ITGAE: variants seen among roughly 807,000 people sequenced by gnomAD.
The protein encoded by ITGAE is integrin subunit alpha E.
ITGAE carries 99 observed loss-of-function variants against 136.5 expected under a neutral mutation model. The observed-to-expected ratio is 0.73, with a 90% CI of 0.62 to 0.86. The LOEUF is 0.86. Among genes scored for constraint, ITGAE ranks in the 40% least tolerant of loss-of-function variants. ITGAE has a pLI of 0.00. For missense variants in ITGAE, 1,447 were observed against 1,515.3 expected (o/e 0.95, Z 0.75); for synonymous variants, 613 against 591.8 (o/e 1.04, Z -0.52).
intron 11 of ITGAE, among the ~76,000 whole-genome samples, chr17:3,755,574 C>T (rs1286274604): frequency 6.6e-6 from 1 of 152,242 alleles, no homozygotes; most frequent in Admixed American, 6.5e-5. Flanking sequence ...AAAAAAGCGA[C>T]CTCCTGTCAT....
chr17:3,773,647 C>T (rs1440263558), intron 2 of ITGAE, among the ~76,000 whole-genome samples: 3 of 152,176 alleles, frequency 2.0e-5, no homozygotes, highest in African/African-American at 7.2e-5. Flanking sequence ...GCTCCCCAAA[C>T]CCTGTCCTTT....
chr17:3,720,965 G>A (rs1226645486), intron 28 of ITGAE, among the ~76,000 whole-genome samples: 1 of 152,090 alleles, frequency 6.6e-6, no homozygotes, highest in African/African-American at 2.4e-5. Flanking sequence ...ATCTCGCTCT[G>A]TCACCCATGC....
rs28665707 is a variant in ITGAE at position 3,740,407 on chromosome 17, C to T, written c.2449-529G>A. Among the ~76,000 whole-genome samples the T allele has an allele frequency of 5.8e-3, 889 of 152,284 alleles. 12 individuals are homozygous for T. The highest frequency in any genetic ancestry group is 0.02 in the African/African-American group (838 of 41,558). On this transcript the variant is annotated intron_variant, in intron 19 of 30. Transcript: ENST00000263087. ...GTTTGTTTGTTTTCAGATGGAGTCT[C>T]GCTCTGTCATCCAGGCTGGAGTGCA...
chr17:3,721,104 T>A (rs910335933), intron 28 of ITGAE, among the ~76,000 whole-genome samples: 1 of 151,898 alleles, frequency 6.6e-6, no homozygotes, highest in South Asian at 2.1e-4. Context: ...AATTTTTGTA[T>A]TTTTTGTAGA....
chr17:3,765,826 T>C, intron 2 of ITGAE, among the ~76,000 whole-genome samples: 1 of 152,138 alleles, frequency 6.6e-6, no homozygotes. Context: ...GCTGGGTCAC[T>C]GTCTTCCTTG....
At chr17:3,738,518 T>C (rs1192568398) in intron 20 of ITGAE, among the ~76,000 whole-genome samples, 1 of 152,132 alleles carries the variant, frequency 6.6e-6, no homozygotes, top group African/African-American at 2.4e-5. Context: ...CTCATGTGCT[T>C]GGCAACACTG....
chr17:3,759,714 G>T (rs150629960), intron 7 of ITGAE, among the ~76,000 whole-genome samples, 161 bp from the exon 8 acceptor site: 2,670 of 152,326 alleles, frequency 0.018, 51 homozygotes, highest in African/African-American at 0.036. Context: ...AGTAGGGGTG[G>T]AGAAGGGTGC....
chr17:3,732,346 G>T (rs368776104), intron 22 of ITGAE, 22 bp downstream of exon 22: 2 of 1,570,434 alleles, frequency 1.3e-6, no homozygotes, highest in Admixed American at 1.7e-5. Flanking sequence ...TGAGAAGAGC[G>T]AATCAGTCCA....
Position 3,755,893 on chromosome 17 carries a change from C to A in ITGAE, c.1176G>T (p.Thr392=), listed in dbSNP as rs267604855. 3 of 1,594,564 alleles carry A rather than the reference C, an allele frequency of 1.9e-6. No homozygotes were observed. The highest frequency in any genetic ancestry group is 2.7e-5 in the African/African-American group (2 of 74,682). ...GCTGGTAGTGAAGGGCGTCTCCAAC[C>A]GTGCCTGCAAGCCAAGAAGCCCAGT... ...LRYNIISMEG[T]VGDALHYQLA... The change falls in exon 11 of 31, where the codon ACG becomes ACT. Residue 392 remains threonine (T), a synonymous_variant. Transcript: ENST00000263087.
chr17:3,799,458 G>A lies in ITGAE; in HGVS notation c.34+1653C>T, dbSNP rs72825434. On this transcript the variant is annotated intron_variant, in intron 1 of 30. Coordinates refer to ENST00000263087, the MANE Select transcript of ITGAE (RefSeq NM_002208.5). The surrounding 1 kb of genome is among the most constrained non-coding windows in gnomAD (Gnocchi z 4.1). ...TGCCACCTGCTGGAAAAGGCACTGA[G>A]GTGATGGGTGGTGGTCTCAGAGGCT... Among the ~76,000 whole-genome samples the A allele has an allele frequency of 6.6e-6, 1 of 152,290 alleles. No homozygotes were observed. The highest frequency in any genetic ancestry group is 2.4e-5 in the African/African-American group (1 of 41,572).
intron 17 of ITGAE, 64 bp from the exon 18 acceptor site, chr17:3,745,991 C>A: frequency 6.7e-7 from 1 of 1,494,590 alleles, no homozygotes; most frequent in Non-Finnish European, 9.1e-7. Context: ...CAGAAGGCCC[C>A]CAGCCTGCCT....
chr17:3,765,438 T>C (rs965370555), intron 2 of ITGAE, among the ~76,000 whole-genome samples: 7 of 150,434 alleles, frequency 4.7e-5, no homozygotes, highest in Non-Finnish European at 1.0e-4. Flanking sequence ...AGAAATGAGA[T>C]ACCGTCTCCA....
At chr17:3,800,979 G>C in intron 1 of ITGAE, 132 bp downstream of exon 1, 2 of 1,034,598 alleles carry the variant, frequency 1.9e-6, no homozygotes, top group Non-Finnish European at 2.9e-6. Context: ...TTTCCTGGAG[G>C]AGCTGCCACT....
chr17:3,780,512 A>T (rs1419764872), intron 1 of ITGAE, among the ~76,000 whole-genome samples: 1 of 135,986 alleles, frequency 7.4e-6, no homozygotes, highest in East Asian at 2.2e-4. Context: ...TGGTCAGGCT[A>T]GTTTCGAACT....
chr17:3,727,787 G>T (rs945549231), intron 26 of ITGAE, 132 bp downstream of exon 26: 3 of 662,160 alleles, frequency 4.5e-6, no homozygotes, highest in African/African-American at 1.8e-5. Context: ...ACAGGACTTC[G>T]GGAATTTACT....
At chr17:3,784,480 C>T (rs1049758160) in intron 1 of ITGAE, 9 of 162,762 alleles carry the variant, frequency 5.5e-5, no homozygotes, top group South Asian at 4.8e-4. Flanking sequence ...CTGCAACCTC[C>T]GCTTCCCAGG....
intron 26 of ITGAE, chr17:3,725,114 G>A (rs770620570): frequency 6.2e-7 from 1 of 1,614,186 alleles, no homozygotes; most frequent in East Asian, 2.2e-5. Flanking sequence ...TCCACAAGAA[G>A]AAAATTGTGA....
chr17:3,758,233 G>C (rs2052076644), intron 8 of ITGAE, among the ~76,000 whole-genome samples: 1 of 152,110 alleles, frequency 6.6e-6, no homozygotes, highest in Non-Finnish European at 1.5e-5. Flanking sequence ...AAATCTATCA[G>C]GCAAGTGCTA....
chr17:3,760,083 G>T, intron 7 of ITGAE, 89 bp downstream of exon 7: 1 of 791,374 alleles, frequency 1.3e-6, no homozygotes. Context: ...GTGACCCATA[G>T]AATTGTGAGC....
Sources: gnomAD v4.1 joint callset for allele counts (sites outside exome capture counted in the v4.1 genomes callset) on GRCh38, gnomAD v4.1.1 for gene constraint, Gnocchi (gnomAD v3.1) non-coding constraint, MANE v1.5 for transcripts, NCBI Gene and HGNC (gene_info 2026-07-23, HGNC 2026-07-21) for gene names.